WDR17: variants seen among roughly 807,000 people sequenced by gnomAD.
The protein encoded by WDR17 is WD repeat-containing protein 17.
In WDR17, 143 loss-of-function variants were observed where a neutral mutation model predicts 161.7. The observed-to-expected ratio is 0.88, with a 90% confidence interval of 0.77 to 1.02. WDR17 has a LOEUF of 1.02. WDR17 is among the 50% of genes least tolerant of loss of function. The pLI is 0.00. For synonymous variants in WDR17, 517 were observed against 515.6 expected, an observed-to-expected ratio of 1.00 and a Z score of -0.04; for missense variants, 1,469 against 1,520.9, an observed-to-expected ratio of 0.97 and a Z score of 0.57.
rs556936908 is a variant in WDR17 at position 176,153,249 on chromosome 4, G to C, written c.2460+1282G>C. Among the ~76,000 whole-genome samples the C allele has an allele frequency of 2.1e-3, 321 of 152,304 alleles. 2 individuals are homozygous for C. Among genetic ancestry groups the C allele is most frequent in the African/African-American group, 7.5e-3 (311 of 41,558 alleles). On this transcript the variant is annotated intron_variant, in intron 17 of 28. Coordinates refer to ENST00000508596, the MANE Select transcript of WDR17 (RefSeq NM_181265.4). ...AACGATGTTGGCTAATTTGTTCACA[G>C]TAGAATCCGCTTGCTAATACTACTT...
chr4:176,171,088 G>A (rs1413449816), intron 23 of WDR17, among the ~76,000 whole-genome samples: 1 of 152,154 alleles, frequency 6.6e-6, no homozygotes, highest in Non-Finnish European at 1.5e-5. Context: ...CAGAATGGTG[G>A]TGTGGGTACT....
intron 3 of WDR17, among the ~76,000 whole-genome samples, chr4:176,116,192 C>T (rs1252687585): frequency 6.6e-6 from 1 of 151,372 alleles, no homozygotes; most frequent in Non-Finnish European, 1.5e-5. Context: ...ATATGATCGA[C>T]TAAAAACATA....
chr4:176,125,103 G>A lies in WDR17; in HGVS notation c.539-1G>A, dbSNP rs1282793616. 3.1e-6 allele frequency: 5 copies of A among 1,613,510 alleles called. No homozygotes were observed. Among genetic ancestry groups the A allele is most frequent in the South Asian group, 1.1e-5 (1 of 90,970 alleles). Reference sequence around the variant, plus strand: ...AAATAATTATCTCTGTATTTTAACAGGTAATAAAAATCAGAAACATGTTTT... The same window carrying A: ...AAATAATTATCTCTGTATTTTAACAAGTAATAAAAATCAGAAACATGTTTT... On this transcript the variant is annotated splice_acceptor_variant, in intron 4 of 28. Coordinates refer to ENST00000508596, the MANE Select transcript of WDR17 (RefSeq NM_181265.4). LOFTEE classifies it high-confidence loss of function.
chr4:176,170,773 A>C (rs1362086260), intron 23 of WDR17, among the ~76,000 whole-genome samples: 3 of 152,256 alleles, frequency 2.0e-5, no homozygotes, highest in Non-Finnish European at 2.9e-5. Flanking sequence ...CTTCATTAAT[A>C]TCTTTTTAGA....
chr4:176,144,458 T>G (rs1745845938), intron 11 of WDR17, among the ~76,000 whole-genome samples: 1 of 152,194 alleles, frequency 6.6e-6, no homozygotes, highest in African/African-American at 2.4e-5. Flanking sequence ...AAATATTTGT[T>G]AAATATGCAA....
intron 9 of WDR17, among the ~76,000 whole-genome samples, chr4:176,138,144 A>G (rs34808606): frequency 0.25 from 38,532 of 151,398 alleles, 5,061 homozygotes; most frequent in African/African-American, 0.3. Flanking sequence ...CCCATATTTT[A>G]CTGAGTTCCA....
Position 176,110,807 on chromosome 4 carries a change from C to G in WDR17, c.-6-768C>G, listed in dbSNP as rs2333397. Among the ~76,000 whole-genome samples, 3 of 152,218 alleles carry G rather than the reference C, an allele frequency of 2.0e-5. No homozygotes were observed. The South Asian group carries it at 6.2e-4, about 32-fold the overall frequency. ...TTAATGCTTGACTCCAAGTCACACT[C>G]TATGTGTGGTGCAAAGCTTGGTCTA... On this transcript the variant is annotated intron_variant, in intron 1 of 28. Coordinates refer to ENST00000508596, the MANE Select transcript of WDR17 (RefSeq NM_181265.4).
At position 176,075,867 on chromosome 4, in the gene WDR17, C is replaced by T. The variant is rs77267153; in HGVS notation, c.-7+9788C>T. Among the ~76,000 whole-genome samples the T allele has an allele frequency of 3.7e-3, 558 of 151,692 alleles. 2 individuals carry two copies. Among genetic ancestry groups the T allele is most frequent in the Admixed American group, 6.8e-3 (103 of 15,178 alleles). On this transcript the variant is annotated intron_variant, in intron 1 of 28. Transcript: ENST00000508596. ...GTTAGTGTGTGCTGTAGTCTCAGTT[C>T]GGGAGGCTGAGGCAAGAAGATCACT...
At chr4:176,160,224 A>G (rs1386558317) in intron 19 of WDR17, 98 bp downstream of exon 19, 16 of 1,431,100 alleles carry the variant, frequency 1.1e-5, no homozygotes, top group Non-Finnish European at 1.5e-5. Context: ...TAATTGACAA[A>G]GTCATAAAGG....
intron 1 of WDR17, among the ~76,000 whole-genome samples, chr4:176,077,848 T>C (rs189639543): frequency 2.6e-4 from 39 of 152,192 alleles, no homozygotes; most frequent in Non-Finnish European, 4.7e-4. Context: ...AAATAACTTA[T>C]ATTATCTCTG....
At chr4:176,158,117 G>A (rs1748446977) in intron 18 of WDR17, among the ~76,000 whole-genome samples, 2 of 152,208 alleles carry the variant, frequency 1.3e-5, no homozygotes, top group Admixed American at 6.5e-5. Flanking sequence ...AGACATTAAA[G>A]GGTTTTAATT....
intron 19 of WDR17, 77 bp from the exon 20 acceptor site, chr4:176,160,834 G>A (rs1748924211): frequency 1.7e-6 from 2 of 1,181,052 alleles, no homozygotes; most frequent in East Asian, 5.0e-5. Context: ...AGTATACTTT[G>A]CTCAAAATCA....
chr4:176,128,430 A>G (rs28701716), intron 5 of WDR17, among the ~76,000 whole-genome samples: 39,774 of 152,034 alleles, frequency 0.26, 5,444 homozygotes, highest in African/African-American at 0.33. Flanking sequence ...GAACAAGCAT[A>G]TGTCAATAGG....
intron 22 of WDR17, among the ~76,000 whole-genome samples, chr4:176,167,537 TCGGG>T (rs1749977351): frequency 6.9e-6 from 1 of 145,550 alleles, no homozygotes; most frequent in Non-Finnish European, 1.5e-5. Context: ...TCCCAGCTAC[TCGGG>T]AGGCTGAGGC....
At chr4:176,173,543 G>T (rs1246939170) in intron 25 of WDR17, among the ~76,000 whole-genome samples, 174 bp downstream of exon 25, 6 of 151,904 alleles carry the variant, frequency 3.9e-5, no homozygotes, top group Non-Finnish European at 8.8e-5. Context: ...TTGAGATGAG[G>T]TCTTGCTCTG....
chr4:176,119,056 A>T (rs1346849433), intron 3 of WDR17, among the ~76,000 whole-genome samples: 2 of 152,116 alleles, frequency 1.3e-5, no homozygotes, highest in Non-Finnish European at 2.9e-5. Flanking sequence ...CATGATTTTG[A>T]TGCAGCCAGC....
At chr4:176,133,664 CGA>C (rs975801368) in intron 7 of WDR17, among the ~76,000 whole-genome samples, 14 of 151,342 alleles carry the variant, frequency 9.3e-5, no homozygotes, top group Non-Finnish European at 1.6e-4. Context: ...TGAAATTTCT[CGA>C]AGTGTTACCA....
Position 176,182,598 on chromosome 4 carries a change from T to C in WDR17, c.*3019T>C, listed in dbSNP as rs188457331. 20 of 152,194 alleles carry C rather than the reference T, an allele frequency of 1.3e-4. 1 individual carries two copies. In the East Asian group the frequency reaches 3.1e-3, roughly 24 times the overall value. The allele number at this position is 152,194 out of a possible 1,614,324, so 9.4% of individuals were successfully genotyped here. A position where few individuals can be genotyped will look rare whatever the true frequency, so the allele number is the denominator to read the frequency against. ...GTAAAATTTAGTAGTTCATATTTAG[T>C]ATATCAGTAATATAGAAGACATCTT... is the stretch of plus-strand genomic sequence containing the variant. On this transcript the variant is annotated 3_prime_UTR_variant, in exon 29 of 29. Coordinates refer to ENST00000508596, the MANE Select transcript of WDR17 (RefSeq NM_181265.4). The surrounding 1 kb of genome is among the most constrained non-coding windows in gnomAD (Gnocchi z 4.2).
chr4:176,108,688 T>G (rs904225167), intron 1 of WDR17, among the ~76,000 whole-genome samples: 1 of 152,154 alleles, frequency 6.6e-6, no homozygotes, highest in Non-Finnish European at 1.5e-5. Context: ...GAGGGGTATA[T>G]GGGAAATCTC....
Sources: gnomAD v4.1 joint callset for allele counts (sites outside exome capture counted in the v4.1 genomes callset) on GRCh38, gnomAD v4.1.1 for gene constraint, Gnocchi (gnomAD v3.1) non-coding constraint, MANE v1.5 for transcripts, NCBI Gene and HGNC (gene_info 2026-07-23, HGNC 2026-07-21) for gene names.